STK32B: variants seen among roughly 807,000 people sequenced by gnomAD.
STK32B encodes serine/threonine-protein kinase 32B.
STK32B carries 43 observed loss-of-function variants against 52.6 expected under a neutral mutation model. That is an observed-to-expected ratio of 0.82 (90% CI 0.64 to 1.05). The LOEUF (loss-of-function observed/expected upper bound fraction) is 1.05. STK32B is among the 50% of genes least tolerant of loss of function. STK32B has a pLI of 0.00. For synonymous variants in STK32B, 238 were observed against 204.3 expected (o/e 1.17, Z -1.41); for missense variants, 621 against 534.6 (o/e 1.16, Z -1.59).
chr4:5,044,986 C>G, the STK32B span, among the ~76,000 whole-genome samples: 5 of 152,220 alleles, frequency 3.3e-5, no homozygotes, highest in African/African-American at 1.2e-4. Context: ...ACCCCAACCC[C>G]CAATGTGCTG....
rs1352989995 is a variant in STK32B at position 5,469,946 on chromosome 4, T to C, written c.1106+1876T>C. Among the ~76,000 whole-genome samples, 2 of 152,136 alleles carry C rather than the reference T, an allele frequency of 1.3e-5. No homozygotes were observed. The highest frequency in any genetic ancestry group is 2.9e-5 in the Non-Finnish European group (2 of 68,018). ...TCTGCTCAAAGAGCATCAGTGATCT[T>C]GGGCTCAGGCAGCCTTCATTCTCTG... On this transcript the variant is annotated intron_variant, in intron 11 of 11. Coordinates refer to ENST00000282908, the MANE Select transcript of STK32B (RefSeq NM_018401.3). This position sits in a 1 kb window ranked among gnomAD's most constrained non-coding sequence, Gnocchi z 4.7.
intron 1 of STK32B, among the ~76,000 whole-genome samples, chr4:5,093,905 C>T (rs1713240543): frequency 6.6e-6 from 1 of 152,088 alleles, no homozygotes; most frequent in Non-Finnish European, 1.5e-5. Context: ...TTCCAAGAAG[C>T]AGAGAAAAGT....
chr4:5,492,066 T>C (rs1417000005), intron 11 of STK32B, among the ~76,000 whole-genome samples: 1 of 152,148 alleles, frequency 6.6e-6, no homozygotes, highest in Admixed American at 6.5e-5. Flanking sequence ...ATGCGGGCTC[T>C]TTTTTGGTTC....
intron 3 of STK32B, among the ~76,000 whole-genome samples, chr4:5,215,165 T>C (rs537315296): frequency 1.3e-5 from 2 of 152,216 alleles, no homozygotes; most frequent in African/African-American, 2.4e-5. Context: ...TGTAGAATCC[T>C]TTCCCTTCTG....
chr4:5,450,396 A>C (rs1012414464), intron 7 of STK32B, among the ~76,000 whole-genome samples: 5 of 152,178 alleles, frequency 3.3e-5, no homozygotes, highest in African/African-American at 9.7e-5. Flanking sequence ...AACAAACCTC[A>C]AAGTCTCTCT....
In STK32B at chr4:5,051,722, G is replaced by A. The variant is rs1425183382; in HGVS notation, c.-142G>A. The A allele has an allele frequency of 8.9e-7, 1 of 1,118,768 alleles. No homozygotes were observed. Among genetic ancestry groups the A allele is most frequent in the Non-Finnish European group, 1.3e-6 (1 of 786,626 alleles). 69.3% of individuals were successfully genotyped at this position (1,118,768 alleles called of 1,614,324 possible). On this transcript the variant is annotated 5_prime_UTR_variant, in exon 1 of 12. It adds an upstream start codon to the 5' untranslated region. Transcript: ENST00000282908. ...GGGACGCCGTCCCCGCCCCTGCACGGTGCTCGGCCCCCTCGGGCTCCGCGC... is the reference window on the plus strand; with the variant it reads ...GGGACGCCGTCCCCGCCCCTGCACGATGCTCGGCCCCCTCGGGCTCCGCGC...
intron 3 of STK32B, among the ~76,000 whole-genome samples, chr4:5,292,665 C>T (rs1728960439): frequency 6.6e-6 from 1 of 151,944 alleles, no homozygotes; most frequent in Admixed American, 6.6e-5. Flanking sequence ...TCACAATTGT[C>T]AATTTATTTT....
intron 1 of STK32B, among the ~76,000 whole-genome samples, chr4:5,137,830 C>T (rs1716163165): frequency 6.6e-6 from 1 of 152,098 alleles, no homozygotes; most frequent in African/African-American, 2.4e-5. Flanking sequence ...AGCTGCGTGT[C>T]AAAGGCCAAT....
chr4:5,244,791 G>T (rs912027154), intron 3 of STK32B, among the ~76,000 whole-genome samples: 11 of 152,112 alleles, frequency 7.2e-5, no homozygotes, highest in Non-Finnish European at 1.6e-4. Context: ...TGTTCTCACT[G>T]GTTTCAAAGA....
At chr4:5,262,057 C>G (rs1442145013) in intron 3 of STK32B, among the ~76,000 whole-genome samples, 2 of 152,146 alleles carry the variant, frequency 1.3e-5, no homozygotes, top group Non-Finnish European at 2.9e-5. Context: ...ATTGCTGATT[C>G]TCCGTCGTGC....
In STK32B at chr4:5,417,043, C is replaced by G; in HGVS notation, c.562+109C>G. ...GCCCGCTGCCACATACCCTCCCATGCTCACATGAGGTTCCACAGTTCCCAG... is the reference window on the plus strand; with the variant it reads ...GCCCGCTGCCACATACCCTCCCATGGTCACATGAGGTTCCACAGTTCCCAG... On this transcript the variant is annotated intron_variant, in intron 6 of 11. Transcript: ENST00000282908. 3 of 985,442 alleles carry G rather than the reference C, an allele frequency of 3.0e-6. No individual in the cohort carries two copies. In the South Asian group the frequency reaches 4.8e-5, roughly 16 times the overall value. 61.0% of individuals were successfully genotyped at this position (985,442 alleles called of 1,614,324 possible). A position where few individuals can be genotyped will look rare whatever the true frequency, so the allele number is the denominator to read the frequency against.
chr4:5,248,931 G>T (rs188868598), intron 3 of STK32B, among the ~76,000 whole-genome samples: 8 of 149,014 alleles, frequency 5.4e-5, no homozygotes, highest in East Asian at 2.0e-4. Flanking sequence ...GTTGTGGGGT[G>T]GGGGGAGAGG....
intron 3 of STK32B, among the ~76,000 whole-genome samples, chr4:5,208,840 G>A (rs989708): frequency 0.91 from 138,921 of 152,336 alleles, 63,369 homozygotes; most frequent in East Asian, 0.98. Context: ...CCATCTGGTA[G>A]ATATGATTAT....
At chr4:5,240,564 A>T (rs550609169) in intron 3 of STK32B, among the ~76,000 whole-genome samples, 1 of 152,036 alleles carries the variant, frequency 6.6e-6, no homozygotes, top group East Asian at 1.9e-4. Context: ...GGTTCAAGCG[A>T]TTTTTCTGCC....
At chr4:5,431,185 T>C (rs1051027270) in intron 6 of STK32B, among the ~76,000 whole-genome samples, 1 of 152,204 alleles carries the variant, frequency 6.6e-6, no homozygotes, top group African/African-American at 2.4e-5. Context: ...AAAAGAAAAC[T>C]AGTGTGACCT....
chr4:5,437,174 GTGCTAACTGGGT>G (rs1714157499), intron 6 of STK32B, among the ~76,000 whole-genome samples: 1 of 152,176 alleles, frequency 6.6e-6, no homozygotes, highest in South Asian at 2.1e-4. Flanking sequence ...CAGCTCTGCT[GTGCTAACTGGGT>G]GACCTTGGCA....
chr4:5,293,575 A>G (rs534188476), intron 3 of STK32B, among the ~76,000 whole-genome samples: 87 of 152,264 alleles, frequency 5.7e-4, no homozygotes, highest in African/African-American at 1.8e-3. Context: ...TTGTGGCCAC[A>G]TAAATGTCTT....
At chr4:5,407,366 C>T (rs772390889) in intron 5 of STK32B, among the ~76,000 whole-genome samples, 10 of 152,112 alleles carry the variant, frequency 6.6e-5, no homozygotes, top group Non-Finnish European at 1.0e-4. Flanking sequence ...GAGCCCTCCG[C>T]ACTCTTCCAA....
At chr4:5,111,771 C>A (rs138187737) in intron 1 of STK32B, among the ~76,000 whole-genome samples, 1 of 151,924 alleles carries the variant, frequency 6.6e-6, no homozygotes, top group Admixed American at 6.6e-5. Context: ...ATAAAGAAAA[C>A]GATGTGTATG....
Sources: allele counts gnomAD v4.1 joint callset (sites outside exome capture counted in the v4.1 genomes callset), GRCh38; gene constraint gnomAD v4.1.1; non-coding constraint Gnocchi (gnomAD v3.1); transcripts MANE v1.5; gene names NCBI Gene and HGNC (gene_info 2026-07-23, HGNC 2026-07-21).